DIAPH3: variants seen among roughly 807,000 people sequenced by gnomAD.
DIAPH3 encodes diaphanous related formin 3.
In DIAPH3, 117 loss-of-function variants were observed where a neutral mutation model predicts 144.3. The observed-to-expected ratio is 0.81, with a 90% CI of 0.70 to 0.95. DIAPH3 has a LOEUF of 0.95. Ranked by LOEUF, DIAPH3 falls within the 40% of genes least tolerant of loss-of-function variation. DIAPH3 has a pLI of 0.00. For synonymous variants in DIAPH3, 519 were observed against 488.9 expected (o/e 1.06, Z -0.81); for missense variants, 1,421 against 1,412.7 (o/e 1.01, Z -0.09).
chr13:60,033,670 C>T (rs540174940), intron 5 of DIAPH3, among the ~76,000 whole-genome samples: 24 of 152,298 alleles, frequency 1.6e-4, no homozygotes, highest in Non-Finnish European at 2.5e-4. Flanking sequence ...GTGAGCCTAA[C>T]GCCTCCCACC....
chr13:60,122,710 A>G (rs2058878313), intron 2 of DIAPH3, among the ~76,000 whole-genome samples: 1 of 152,162 alleles, frequency 6.6e-6, no homozygotes, highest in African/African-American at 2.4e-5. Context: ...TTCAATAGGA[A>G]AACCCAGACT....
intron 20 of DIAPH3, among the ~76,000 whole-genome samples, chr13:59,892,794 C>T (rs1282223201): frequency 6.6e-6 from 1 of 151,704 alleles, no homozygotes; most frequent in Non-Finnish European, 1.5e-5. Flanking sequence ...TATGAATAAC[C>T]AGATTAAATT....
At chr13:59,962,234 G>A (rs2049805580) in intron 17 of DIAPH3, among the ~76,000 whole-genome samples, 1 of 152,132 alleles carries the variant, frequency 6.6e-6, no homozygotes, top group South Asian at 2.1e-4. Context: ...AGACCCCATT[G>A]ACAGTCAAAG....
chr13:59,862,564 T>C (rs1412226387), intron 21 of DIAPH3, among the ~76,000 whole-genome samples: 2 of 152,126 alleles, frequency 1.3e-5, no homozygotes, highest in Non-Finnish European at 2.9e-5. Flanking sequence ...TTAACTACCA[T>C]GTCAGAAATG....
At chr13:60,020,791 G>A (rs1473795674) in intron 5 of DIAPH3, 1 of 152,148 alleles carries the variant, frequency 6.6e-6, no homozygotes, top group African/African-American at 2.4e-5. Context: ...AACAAATGTC[G>A]AACAAAATTA....
At chr13:60,104,964 C>T (rs2010775) in intron 3 of DIAPH3, among the ~76,000 whole-genome samples, 34,194 of 151,516 alleles carry the variant, frequency 0.23, 4,037 homozygotes, top group South Asian at 0.27. Context: ...GGAGTGGTGG[C>T]GGGCACCTGT....
Position 59,813,063 on chromosome 13 carries a change from C to T in DIAPH3, c.3028-2140G>A, listed in dbSNP as rs139185392. ...ATTCCCTAAATTCAGGATTTCCCTC[C>T]GATGACACAAACCACTGTGTATATA... is the stretch of plus-strand genomic sequence containing the variant. On this transcript the variant is annotated intron_variant, in intron 24 of 27. Transcript: ENST00000400324. Among the ~76,000 whole-genome samples the T allele has an allele frequency of 3.7e-3, 556 of 151,928 alleles. 3 individuals are homozygous for T. The highest frequency in any genetic ancestry group is 5.1e-3 in the Non-Finnish European group (349 of 67,972).
Position 59,969,856 on chromosome 13 carries a change from AAAT to A in DIAPH3, c.2074+85_2074+87del, listed in dbSNP as rs2050255292. 4.7e-6 allele frequency: 4 copies of A among 843,044 alleles called. No individual in the cohort carries two copies. The East Asian group carries it at 1.1e-4, about 24-fold the overall frequency. 52.2% of individuals were successfully genotyped at this position (843,044 alleles called of 1,614,324 possible). On this transcript the variant is annotated intron_variant, in intron 17 of 27. Transcript: ENST00000400324. ...AAAAATAACATGTACAGGATTCATA[AAAT>A]AATGTTTTCTGAAAATTGATACATA...
intron 25 of DIAPH3, among the ~76,000 whole-genome samples, chr13:59,783,672 T>C (rs1712814462): frequency 6.6e-6 from 1 of 152,178 alleles, no homozygotes; most frequent in South Asian, 2.1e-4. Context: ...TATTACTTAG[T>C]CTCTAAAACC....
intron 17 of DIAPH3, among the ~76,000 whole-genome samples, chr13:59,969,389 T>A (rs2050228396): frequency 1.3e-5 from 2 of 152,146 alleles, no homozygotes; most frequent in Non-Finnish European, 2.9e-5. Context: ...TCACTGTAAT[T>A]TTTTTTGGAT....
At chr13:59,893,137 T>C (rs1201819626) in intron 20 of DIAPH3, among the ~76,000 whole-genome samples, 2 of 152,098 alleles carry the variant, frequency 1.3e-5, no homozygotes, top group South Asian at 2.1e-4. Context: ...CAAAAATACA[T>C]ATGGTATGAT....
intron 4 of DIAPH3, among the ~76,000 whole-genome samples, chr13:60,051,944 T>A (rs2056365692): frequency 6.6e-6 from 1 of 152,154 alleles, no homozygotes; most frequent in Non-Finnish European, 1.5e-5. Context: ...TGGTAGGATA[T>A]CGGAGCACTG....
At chr13:59,973,977 A>ACC (rs2050529860) in intron 15 of DIAPH3, among the ~76,000 whole-genome samples, 1 of 152,066 alleles carries the variant, frequency 6.6e-6, no homozygotes, top group South Asian at 2.1e-4. Context: ...ACTGCAAGGG[A>ACC]CCCCTAGGCT....
chr13:59,744,968 T>C (rs2036633188), intron 27 of DIAPH3, among the ~76,000 whole-genome samples: 1 of 152,132 alleles, frequency 6.6e-6, no homozygotes, highest in Admixed American at 6.5e-5. Context: ...CCTCACCCCT[T>C]ATAGGTCTGC....
chr13:59,692,981 A>T (rs1423712582), intron 27 of DIAPH3, among the ~76,000 whole-genome samples: 1 of 152,254 alleles, frequency 6.6e-6, no homozygotes, highest in Non-Finnish European at 1.5e-5. Flanking sequence ...ACTTGTAAGT[A>T]CAATGAAGGA....
At chr13:60,139,541 G>A (rs922793804) in intron 1 of DIAPH3, among the ~76,000 whole-genome samples, 4 of 152,146 alleles carry the variant, frequency 2.6e-5, no homozygotes, top group South Asian at 2.1e-4. Flanking sequence ...AGAGATCAGC[G>A]TTAAGGAGAA....
intron 25 of DIAPH3, among the ~76,000 whole-genome samples, chr13:59,776,573 A>G (rs2038423661): frequency 6.6e-6 from 1 of 152,150 alleles, no homozygotes; most frequent in Non-Finnish European, 1.5e-5. Context: ...AAAAAATCCT[A>G]GTACTGAAAT....
intron 17 of DIAPH3, among the ~76,000 whole-genome samples, chr13:59,938,699 C>T (rs1016043534): frequency 6.6e-6 from 1 of 151,974 alleles, no homozygotes; most frequent in African/African-American, 2.4e-5. Context: ...GTTCCATATA[C>T]ACTTCCCTAG....
chr13:59,841,734 A>T (rs2042358465), intron 22 of DIAPH3, among the ~76,000 whole-genome samples: 1 of 152,230 alleles, frequency 6.6e-6, no homozygotes, highest in Non-Finnish European at 1.5e-5. Context: ...CAATAAAAAT[A>T]ATAGTAATGG....
Sources: allele counts gnomAD v4.1 joint callset (sites outside exome capture counted in the v4.1 genomes callset), GRCh38; gene constraint gnomAD v4.1.1; transcripts MANE v1.5; gene names NCBI Gene and HGNC (gene_info 2026-07-23, HGNC 2026-07-21).